SLC30A8: variants seen among roughly 807,000 people sequenced by gnomAD.
SLC30A8 encodes the protein solute carrier family 30 member 8.
SLC30A8 carries 27 observed loss-of-function variants against 36.9 expected under a neutral mutation model. That is an observed-to-expected ratio of 0.73 (90% confidence interval 0.54 to 1.01). The LOEUF (loss-of-function observed/expected upper bound fraction) is 1.01, where lower values mean the gene tolerates loss of function less well. SLC30A8 is among the 50% of genes least tolerant of loss of function. SLC30A8 has a pLI of 0.00. For missense variants in SLC30A8, 439 were observed against 452.0 expected (o/e 0.97, Z 0.26); for synonymous variants, 164 against 172.4 (o/e 0.95, Z 0.38).
intron 1 of SLC30A8, among the ~76,000 whole-genome samples, chr8:117,021,979 ACTAGATAAATT>A (rs1364197474): frequency 6.6e-6 from 1 of 151,988 alleles, no homozygotes; most frequent in African/African-American, 2.4e-5. Context: ...GAATCTTGAT[ACTAGATAAATT>A]GTTGTGCAAA....
chr8:117,062,086 C>T (rs1403914030), intron 2 of SLC30A8, among the ~76,000 whole-genome samples: 2 of 152,090 alleles, frequency 1.3e-5, no homozygotes, highest in Admixed American at 1.3e-4. Context: ...AGGGGATAGA[C>T]TTGGAAGAAG....
Position 117,173,128 on chromosome 8 carries a change from G to A in SLC30A8, c.*447G>A, listed in dbSNP as rs1823478548. The A allele has an allele frequency of 6.1e-6, 1 of 163,800 alleles. No individual in the cohort carries two copies. The highest frequency in any genetic ancestry group is 2.4e-5 in the African/African-American group (1 of 41,562). 10.1% of individuals were successfully genotyped at this position (163,800 alleles called of 1,614,324 possible). ...AAGGAGAGCCAAGTCAGGAATAAAA[G>A]TGACTCTGTATGCTAACGCCACATT... On this transcript the variant is annotated 3_prime_UTR_variant, in exon 8 of 8. Coordinates refer to ENST00000456015, the MANE Select transcript of SLC30A8 (RefSeq NM_173851.3).
chr8:117,039,302 T>G (rs1430823897), intron 2 of SLC30A8: 2 of 152,258 alleles, frequency 1.3e-5, no homozygotes, highest in Non-Finnish European at 2.9e-5. Flanking sequence ...GAGATCAATA[T>G]GTATAAATTT....
chr8:117,151,980 C>T (rs949621529), intron 2 of SLC30A8, among the ~76,000 whole-genome samples: 1 of 152,254 alleles, frequency 6.6e-6, no homozygotes, highest in Admixed American at 6.5e-5. Flanking sequence ...GAGCCAATGG[C>T]CTGTGGGGAT....
At chr8:117,143,175 A>G (rs1821736776) in intron 1 of SLC30A8, among the ~76,000 whole-genome samples, 1 of 152,216 alleles carries the variant, frequency 6.6e-6, no homozygotes. Context: ...ACATTAAAAA[A>G]TAAAAGCTTC....
intron 2 of SLC30A8, among the ~76,000 whole-genome samples, chr8:117,079,177 A>C (rs1818584119): frequency 6.6e-6 from 1 of 151,486 alleles, no homozygotes; most frequent in Non-Finnish European, 1.5e-5. Flanking sequence ...ATGCCTGGCT[A>C]ATTTTTGTAT....
intron 4 of SLC30A8, among the ~76,000 whole-genome samples, chr8:117,160,365 A>G (rs1315845706): frequency 1.3e-5 from 2 of 151,794 alleles, no homozygotes; most frequent in Non-Finnish European, 2.9e-5. Context: ...TGTATTACCC[A>G]TAGTACCAGT....
At chr8:117,168,068 C>A (rs192074698) in intron 6 of SLC30A8, among the ~76,000 whole-genome samples, 1 of 151,680 alleles carries the variant, frequency 6.6e-6, no homozygotes, top group Non-Finnish European at 1.5e-5. Flanking sequence ...ACCAGGAGAA[C>A]GGTATGGGGG....
chr8:117,032,226 C>T (rs1334258369), intron 1 of SLC30A8, among the ~76,000 whole-genome samples: 1 of 151,888 alleles, frequency 6.6e-6, no homozygotes, highest in Non-Finnish European at 1.5e-5. Context: ...TAATGCTTTA[C>T]ATACCCCCTT....
rs114454962 is a variant in SLC30A8 at position 117,085,046 on chromosome 8, G to C, written c.-226+45788G>C. Among the ~76,000 whole-genome samples, 725 of 152,118 alleles carry C rather than the reference G, an allele frequency of 4.8e-3. 7 individuals are homozygous for C. The highest frequency in any genetic ancestry group is 0.017 in the African/African-American group (687 of 41,514). ...TGATGAGGTTCAAGGAATTGATTCT[G>C]TTTCTGGAACAGATAGGCACATAAC... On this transcript the variant is annotated intron_variant, in intron 2 of 10. Coordinates refer to the SLC30A8 transcript ENST00000427715.
At chr8:117,034,602 A>G (rs901487720) in intron 1 of SLC30A8, among the ~76,000 whole-genome samples, 1 of 152,188 alleles carries the variant, frequency 6.6e-6, no homozygotes, top group African/African-American at 2.4e-5. Flanking sequence ...TGGGGTTTGA[A>G]CCCAGGTGTT....
At chr8:116,950,911 CA>C (rs1369933531), upstream of SLC30A8, 1 of 152,170 alleles carries the variant, frequency 6.6e-6, no homozygotes, top group Non-Finnish European at 1.5e-5. Flanking sequence ...GTTAATCTTA[CA>C]GTAACCAGCT....
intron 2 of SLC30A8, among the ~76,000 whole-genome samples, chr8:117,078,537 A>G (rs922632428): frequency 2.6e-5 from 4 of 151,972 alleles, no homozygotes; most frequent in African/African-American, 7.3e-5. Flanking sequence ...TTTTAAAACC[A>G]TGACATTCCT....
intron 1 of SLC30A8, among the ~76,000 whole-genome samples, chr8:116,971,884 C>G (rs1177670126): frequency 6.6e-6 from 1 of 152,126 alleles, no homozygotes; most frequent in Non-Finnish European, 1.5e-5. Context: ...ATCACAGATT[C>G]TGCTGGAAAA....
intron 3 of SLC30A8, 145 bp downstream of exon 3, chr8:117,153,235 G>A: frequency 2.7e-6 from 2 of 733,836 alleles, no homozygotes; most frequent in South Asian, 3.2e-5. Flanking sequence ...ATGTGTATGT[G>A]GGAATGTGTG....
intron 3 of SLC30A8, among the ~76,000 whole-genome samples, chr8:117,154,764 G>A (rs971733709): frequency 7.9e-5 from 12 of 152,232 alleles, no homozygotes; most frequent in Non-Finnish European, 7.4e-5. Flanking sequence ...GATACCATTT[G>A]TCAAAGCAGT....
chr8:116,959,956 G>C (rs3020114), intron 1 of SLC30A8, among the ~76,000 whole-genome samples: 1 of 151,890 alleles, frequency 6.6e-6, no homozygotes, highest in Admixed American at 6.6e-5. Flanking sequence ...CTTTAGCTTC[G>C]TTGGTCATCA....
In SLC30A8 at chr8:117,023,478, C is replaced by T. The variant is rs573066943; in HGVS notation, c.-265-15741C>T. On this transcript the variant is annotated intron_variant, in intron 1 of 10. Coordinates refer to the SLC30A8 transcript ENST00000427715. ...AAAGACTTGGAACCAACCCAAATGTCCAACAGTGATAGACTGGATTAAGAA... is the reference window on the plus strand; with the variant it reads ...AAAGACTTGGAACCAACCCAAATGTTCAACAGTGATAGACTGGATTAAGAA... Among the ~76,000 whole-genome samples, 19 of 152,214 alleles carry T rather than the reference C, an allele frequency of 1.2e-4. No homozygotes were observed. The East Asian group carries it at 3.5e-3, about 28-fold the overall frequency.
At chr8:117,077,626 A>G (rs528030551) in intron 2 of SLC30A8, among the ~76,000 whole-genome samples, 92 of 152,262 alleles carry the variant, frequency 6.0e-4, no homozygotes, top group African/African-American at 2.1e-3. Context: ...AATTGATGGC[A>G]TTTTATATTA....
Sources: gnomAD v4.1 joint callset for allele counts (sites outside exome capture counted in the v4.1 genomes callset) on GRCh38, gnomAD v4.1.1 for gene constraint, MANE v1.5 for transcripts, NCBI Gene and HGNC (gene_info 2026-07-23, HGNC 2026-07-21) for gene names.